Variants in UCK2 observed in about 807,000 individuals in gnomAD.
UCK2 encodes the protein cytidine monophosphokinase 2.
UCK2 carries 6 observed loss-of-function variants against 30.8 expected under a neutral mutation model. That is an observed-to-expected ratio of 0.19 (90% confidence interval 0.11 to 0.38). UCK2 has a LOEUF of 0.38. Ranked by LOEUF, UCK2 falls within the 10% of genes least tolerant of loss-of-function variation. UCK2 has a pLI of 1.00. For synonymous variants in UCK2, 125 were observed against 133.6 expected (o/e 0.94, Z 0.45); for missense variants, 210 against 339.8 (o/e 0.62, Z 3.00).
At chr1:165,878,987 C>A (rs1260597053) in intron 1 of UCK2, among the ~76,000 whole-genome samples, 2 of 152,152 alleles carry the variant, frequency 1.3e-5, no homozygotes. Context: ...TTGGTGTTGT[C>A]AGTGTTCTAC....
chr1:165,879,819 A>G lies in UCK2; in HGVS notation c.100-10385A>G, dbSNP rs180699805. On this transcript the variant is annotated intron_variant, in intron 1 of 6. Coordinates refer to ENST00000367879, the MANE Select transcript of UCK2 (RefSeq NM_012474.5). ...ACTTGAACCCCTTTCTTCAAATGCT[A>G]TGAAGAATAAATAATAAGATTAGTT... Among the ~76,000 whole-genome samples, 40 of 152,282 alleles carry G rather than the reference A, an allele frequency of 2.6e-4. No individual in the cohort carries two copies. The East Asian group carries it at 7.3e-3, about 28-fold the overall frequency.
chr1:165,848,654 A>G (rs570738425), intron 1 of UCK2, among the ~76,000 whole-genome samples: 1 of 151,284 alleles, frequency 6.6e-6, no homozygotes, highest in East Asian at 1.9e-4. Flanking sequence ...ACACACACAC[A>G]CACACCCACA....
intron 6 of UCK2, among the ~76,000 whole-genome samples, chr1:165,907,267 C>T (rs908450830): frequency 5.3e-5 from 8 of 151,722 alleles, no homozygotes; most frequent in Admixed American, 5.3e-4. Flanking sequence ...GAAAGAGGGC[C>T]TTCCATAGGG....
chr1:165,850,321 G>C (rs957261585), intron 1 of UCK2, among the ~76,000 whole-genome samples: 1 of 151,880 alleles, frequency 6.6e-6, no homozygotes, highest in Non-Finnish European at 1.5e-5. Context: ...GTAGAGATGG[G>C]GTTTCTCCAT....
At chr1:165,862,282 A>G (rs1654932951) in intron 1 of UCK2, among the ~76,000 whole-genome samples, 2 of 152,156 alleles carry the variant, frequency 1.3e-5, no homozygotes, top group South Asian at 4.1e-4. Flanking sequence ...GCTGCATTCT[A>G]AACAAGTGAA....
chr1:165,896,436 C>A, intron 4 of UCK2, 104 bp downstream of exon 4: 1 of 1,371,730 alleles, frequency 7.3e-7, no homozygotes, highest in Non-Finnish European at 1.0e-6. Context: ...GAAGCCCATG[C>A]CTTCCCTGAG....
intron 1 of UCK2, among the ~76,000 whole-genome samples, chr1:165,882,467 T>C (rs760782416): frequency 1.3e-5 from 2 of 152,200 alleles, no homozygotes; most frequent in Non-Finnish European, 1.5e-5. Context: ...TATTTCAGAA[T>C]GTTTGTGCTG....
At chr1:165,869,643 G>A (rs1177789461) in intron 1 of UCK2, among the ~76,000 whole-genome samples, 1 of 137,884 alleles carries the variant, frequency 7.3e-6, no homozygotes, top group East Asian at 2.3e-4. Context: ...GTATGAAAGA[G>A]AATCTCATCA....
Position 165,867,397 on chromosome 1 carries a change from C to T in UCK2, c.100-22807C>T, listed in dbSNP as rs1019886944. On this transcript the variant is annotated intron_variant, in intron 1 of 6. Transcript: ENST00000367879. Reference sequence around the variant, plus strand: ...GTGATGCTGTTTGATGGCATTTTGCCCATAGTCAAACTTCTTTCAAAGTGG... The same window carrying T: ...GTGATGCTGTTTGATGGCATTTTGCTCATAGTCAAACTTCTTTCAAAGTGG... 1.8e-4 allele frequency among the ~76,000 whole-genome samples: 28 copies of T among 152,164 alleles called. 1 individual carries two copies. Among genetic ancestry groups the T allele is most frequent in the African/African-American group, 6.3e-4 (26 of 41,540 alleles).
intron 1 of UCK2, among the ~76,000 whole-genome samples, chr1:165,876,485 G>C (rs1571286015): frequency 6.6e-6 from 1 of 152,086 alleles, no homozygotes; most frequent in South Asian, 2.1e-4. Context: ...AATTCTGCAG[G>C]ACAAGTTTGT....
chr1:165,892,279 A>G (rs1246334004), intron 3 of UCK2: 1 of 151,730 alleles, frequency 6.6e-6, no homozygotes. Context: ...TGGAGGAATG[A>G]ATGAAGGCAT....
intron 1 of UCK2, among the ~76,000 whole-genome samples, chr1:165,831,228 G>C (rs1013268119): frequency 3.3e-5 from 5 of 152,042 alleles, no homozygotes; most frequent in African/African-American, 1.2e-4. Flanking sequence ...GAGAGACCCC[G>C]TCTCTACGAA....
chr1:165,886,588 C>T (rs1212950194), intron 1 of UCK2, among the ~76,000 whole-genome samples: 1 of 152,188 alleles, frequency 6.6e-6, no homozygotes, highest in African/African-American at 2.4e-5. Flanking sequence ...CGCCACTGTG[C>T]CCAGCTGAAT....
chr1:165,856,901 GTT>G (rs60388478), intron 1 of UCK2, among the ~76,000 whole-genome samples: 542 of 134,666 alleles, frequency 4.0e-3, no homozygotes, highest in Middle Eastern at 0.012. Flanking sequence ...CGGCCCCAGG[GTT>G]TTTTTTTTTT....
intron 6 of UCK2, 114 bp from the exon 7 acceptor site, chr1:165,907,551 GCAAGTGGCAGAGCCACTTC>G: frequency 7.8e-7 from 1 of 1,276,940 alleles, no homozygotes; most frequent in South Asian, 1.5e-5. Flanking sequence ...TGACTTGCCT[GCAAGTGGCAGAGCCACTTC>G]CCTGGAAGTC....
intron 1 of UCK2, among the ~76,000 whole-genome samples, chr1:165,889,677 T>A (rs1187919416): frequency 6.7e-6 from 1 of 149,426 alleles, no homozygotes; most frequent in African/African-American, 2.5e-5. Flanking sequence ...GGCGGACTCT[T>A]CTCCGTTAGC....
intron 1 of UCK2, among the ~76,000 whole-genome samples, chr1:165,854,471 C>A (rs1346794693): frequency 1.3e-5 from 2 of 152,064 alleles, no homozygotes; most frequent in East Asian, 3.9e-4. Context: ...TGCAGAGAAC[C>A]AACATGTAGC....
At chr1:165,836,228 C>CAAAAAAAAAAAA (rs1285741977) in intron 1 of UCK2, among the ~76,000 whole-genome samples, 7 of 149,550 alleles carry the variant, frequency 4.7e-5, no homozygotes, top group African/African-American at 1.5e-4. Context: ...GACTCCGTCT[C>CAAAAAAAAAAAA]AAAACAAAAA....
intron 2 of UCK2, chr1:165,890,930 T>C: frequency 2.8e-6 from 1 of 362,424 alleles, no homozygotes; most frequent in South Asian, 2.5e-5. Flanking sequence ...CATGTGCCAA[T>C]CCTAGGATGA....
Sources: gnomAD v4.1 joint callset for allele counts (sites outside exome capture counted in the v4.1 genomes callset) on GRCh38, gnomAD v4.1.1 for gene constraint, MANE v1.5 for transcripts, NCBI Gene and HGNC (gene_info 2026-07-23, HGNC 2026-07-21) for gene names.